Variants in WDR70 observed in about 807,000 individuals in gnomAD.
WDR70 encodes WD repeat-containing protein 70.
In WDR70, 53 loss-of-function variants were observed where a neutral mutation model predicts 88.6. The observed-to-expected ratio is 0.60, with a 90% CI of 0.48 to 0.75. The LOEUF (loss-of-function observed/expected upper bound fraction) is 0.75. WDR70 is among the 30% of genes least tolerant of loss of function. The pLI, the probability that WDR70 is intolerant of heterozygous loss-of-function variation, is 0.00. For synonymous variants in WDR70, 280 were observed against 270.0 expected (o/e 1.04, Z -0.36); for missense variants, 610 against 823.2 (o/e 0.74, Z 3.17).
At chr5:37,727,667 C>T (rs1205393819) in intron 17 of WDR70, among the ~76,000 whole-genome samples, 1 of 152,118 alleles carries the variant, frequency 6.6e-6, no homozygotes. Context: ...CCTCAAACTC[C>T]TGGGCTCAAA....
rs189450960 is a variant in WDR70, at chr5:37,409,308, A to G, written c.492+12738A>G. Among the ~76,000 whole-genome samples, 226 of 152,212 alleles carry G rather than the reference A, an allele frequency of 1.5e-3. 1 individual carries two copies. The highest frequency in any genetic ancestry group is 5.2e-3 in the African/African-American group (217 of 41,542). On this transcript the variant is annotated intron_variant, in intron 5 of 17. Transcript: ENST00000265107. ...ATTCTACTGTTTCTCTTCGGAAATG[A>G]GATGTAATCTTTTTGGTTTATTTTA...
intron 7 of WDR70, among the ~76,000 whole-genome samples, chr5:37,466,960 G>T (rs1375276002): frequency 1.3e-5 from 2 of 151,972 alleles, no homozygotes; most frequent in Non-Finnish European, 2.9e-5. Flanking sequence ...TTTTGACCAG[G>T]CGTGGTGGCT....
At chr5:37,745,278 A>C (rs549751285) in intron 17 of WDR70, among the ~76,000 whole-genome samples, 2 of 152,050 alleles carry the variant, frequency 1.3e-5, no homozygotes, top group South Asian at 2.1e-4. Flanking sequence ...TGAAAGAAGC[A>C]CTAAATATGG....
chr5:37,632,958 A>G (rs1175303875), intron 10 of WDR70, among the ~76,000 whole-genome samples: 2 of 152,086 alleles, frequency 1.3e-5, no homozygotes, highest in Non-Finnish European at 2.9e-5. Flanking sequence ...TCTTTACTAT[A>G]CCTTTTCTGT....
intron 17 of WDR70, among the ~76,000 whole-genome samples, chr5:37,734,260 C>T (rs1748236731): frequency 6.6e-6 from 1 of 152,058 alleles, no homozygotes; most frequent in Admixed American, 6.6e-5. Context: ...GATTCTATTA[C>T]GTTAAACCTT....
chr5:37,564,332 C>G (rs1298819060), intron 9 of WDR70, among the ~76,000 whole-genome samples: 1 of 152,340 alleles, frequency 6.6e-6, no homozygotes, highest in Non-Finnish European at 1.5e-5. Context: ...GAGACCAGCC[C>G]GGCCAACACA....
intron 9 of WDR70, among the ~76,000 whole-genome samples, chr5:37,569,445 C>T (rs1053818585): frequency 6.6e-6 from 1 of 152,154 alleles, no homozygotes; most frequent in South Asian, 2.1e-4. Context: ...AAATTGCCCT[C>T]TTGCAAATAA....
intron 8 of WDR70, among the ~76,000 whole-genome samples, chr5:37,504,664 T>C (rs1208782253): frequency 6.6e-6 from 1 of 152,224 alleles, no homozygotes; most frequent in Non-Finnish European, 1.5e-5. Flanking sequence ...CCTTCACTTG[T>C]AAAGTTCTGA....
chr5:37,512,378 C>A (rs1050107583), intron 8 of WDR70, among the ~76,000 whole-genome samples: 4 of 152,104 alleles, frequency 2.6e-5, no homozygotes, highest in Admixed American at 6.6e-5. Context: ...CCTGCCACCA[C>A]ACGTGGCTAA....
At chr5:37,428,857 C>G (rs1418167489) in intron 5 of WDR70, among the ~76,000 whole-genome samples, 4 of 152,226 alleles carry the variant, frequency 2.6e-5, no homozygotes, top group African/African-American at 9.6e-5. Flanking sequence ...CCATTTTACA[C>G]TCTCACCTGC....
intron 5 of WDR70, among the ~76,000 whole-genome samples, chr5:37,397,869 G>T (rs923344225): frequency 1.3e-5 from 2 of 151,464 alleles, no homozygotes; most frequent in Non-Finnish European, 2.9e-5. Context: ...CGTGGCGCAC[G>T]CCTGTAGTCG....
chr5:37,567,994 T>G (rs1182542892), intron 9 of WDR70, among the ~76,000 whole-genome samples: 2 of 152,232 alleles, frequency 1.3e-5, no homozygotes, highest in African/African-American at 4.8e-5. Flanking sequence ...CTGGTTTCTA[T>G]TTACCTATTC....
At chr5:37,514,356 A>ATATATATATATATATGTATGTATG (rs771375976) in intron 8 of WDR70, among the ~76,000 whole-genome samples, 2 of 54,402 alleles carry the variant, frequency 3.7e-5, no homozygotes, top group African/African-American at 7.8e-5. Context: ...ATATATATAT[A>ATATATATATATATATGTATGTATG]TATGTATGTA....
At chr5:37,747,821 A>T (rs1345096779) in intron 17 of WDR70, among the ~76,000 whole-genome samples, 1 of 152,234 alleles carries the variant, frequency 6.6e-6, no homozygotes, top group East Asian at 1.9e-4. Flanking sequence ...TGCAAAAATC[A>T]CAAGTATTCC....
chr5:37,546,729 G>A (rs1742008365), intron 9 of WDR70, among the ~76,000 whole-genome samples: 1 of 152,052 alleles, frequency 6.6e-6, no homozygotes, highest in African/African-American at 2.4e-5. Flanking sequence ...GACCAGCCTG[G>A]CCAACATAGT....
rs1247064196 is a variant in WDR70 at position 37,752,502 on chromosome 5, A to G, written c.1894A>G (p.Met632Val). 6.2e-7 allele frequency: 1 copy of G among 1,612,100 alleles called. No homozygotes were observed. Among genetic ancestry groups the G allele is most frequent in the South Asian group, 1.1e-5 (1 of 90,672 alleles). The change falls in exon 18 of 18, where the codon ATG (methionine) becomes GTG (valine). Residue 632 changes from methionine to valine, a missense_variant. By Grantham distance (21) the Met-to-Val change is conservative. Coordinates refer to ENST00000265107, the MANE Select transcript of WDR70 (RefSeq NM_018034.4). The part of the protein sequence containing the change: ...PAYSKTQPKT[M>V]FAQVESDDEE... The stretch of plus-strand genomic sequence containing the variant: ...TTCTTTTAGGACTCAGCCCAAAACC[A>G]TGTTTGCCCAAGTTGAATCTGATGA...
At chr5:37,467,335 G>T (rs62361481) in intron 7 of WDR70, among the ~76,000 whole-genome samples, 1 of 152,004 alleles carries the variant, frequency 6.6e-6, no homozygotes, top group South Asian at 2.1e-4. Context: ...AAGAGGGCCT[G>T]CTTCCTAGAT....
chr5:37,449,514 C>A (rs1186324830), intron 7 of WDR70, among the ~76,000 whole-genome samples: 1 of 150,498 alleles, frequency 6.6e-6, no homozygotes, highest in Non-Finnish European at 1.5e-5. Context: ...ATCGCTTGAA[C>A]CCAGAAGGTG....
At chr5:37,619,177 G>A (rs1294065072) in intron 10 of WDR70, among the ~76,000 whole-genome samples, 3 of 151,730 alleles carry the variant, frequency 2.0e-5, no homozygotes, top group African/African-American at 7.3e-5. Flanking sequence ...AATAGGGGAA[G>A]CATGTTTTGA....
Sources: gnomAD v4.1 joint callset for allele counts (sites outside exome capture counted in the v4.1 genomes callset) on GRCh38, gnomAD v4.1.1 for gene constraint, MANE v1.5 for transcripts, NCBI Gene and HGNC (gene_info 2026-07-23, HGNC 2026-07-21) for gene names.